Variants in CADM2 observed in about 807,000 individuals in gnomAD.
The protein encoded by CADM2 is cell adhesion molecule 2, also known as immunoglobulin superfamily member 4D.
In CADM2, 12 loss-of-function variants were observed where a neutral mutation model predicts 49.8. The observed-to-expected ratio is 0.24, with a 90% CI of 0.15 to 0.39. The LOEUF is 0.39. Ranked by LOEUF, CADM2 falls within the 10% of genes least tolerant of loss-of-function variation. CADM2 has a pLI of 1.00. For missense variants in CADM2, 378 were observed against 492.3 expected (o/e 0.77, Z 2.20); for synonymous variants, 214 against 175.4 (o/e 1.22, Z -1.74).
At chr3:86,062,811 T>C (rs1464607503) in intron 8 of CADM2, among the ~76,000 whole-genome samples, 1 of 151,784 alleles carries the variant, frequency 6.6e-6, no homozygotes. Flanking sequence ...TTGTTATTTT[T>C]TTTTTTTTCA....
chr3:85,089,666 AT>A (rs980481324), intron 1 of CADM2, among the ~76,000 whole-genome samples: 1 of 152,084 alleles, frequency 6.6e-6, no homozygotes, highest in African/African-American at 2.4e-5. Context: ...TAACTGGAAC[AT>A]TTTTTGTCTT....
intron 1 of CADM2, among the ~76,000 whole-genome samples, chr3:85,266,114 T>G (rs1460851707): frequency 1.3e-5 from 2 of 151,904 alleles, no homozygotes; most frequent in Non-Finnish European, 2.9e-5. Context: ...CATCACGCTA[T>G]GCTCTGTTAC....
chr3:85,883,787 C>T (rs1437939775), intron 4 of CADM2, among the ~76,000 whole-genome samples: 1 of 152,128 alleles, frequency 6.6e-6, no homozygotes, highest in Non-Finnish European at 1.5e-5. Context: ...TACGACATGA[C>T]ACAATAATGA....
At chr3:85,020,643 T>C (rs2034456770) in intron 1 of CADM2, among the ~76,000 whole-genome samples, 1 of 152,084 alleles carries the variant, frequency 6.6e-6, no homozygotes, top group Non-Finnish European at 1.5e-5. Context: ...GTTTAAAAAA[T>C]ACCATTTTTC....
chr3:85,168,874 A>AT (rs2040543177), intron 1 of CADM2, among the ~76,000 whole-genome samples: 1 of 152,190 alleles, frequency 6.6e-6, no homozygotes, highest in African/African-American at 2.4e-5. Flanking sequence ...TGAATCAGGC[A>AT]TTTAATATAT....
chr3:85,636,357 A>C (rs921707219), intron 1 of CADM2, among the ~76,000 whole-genome samples: 55 of 152,342 alleles, frequency 3.6e-4, no homozygotes, highest in African/African-American at 1.3e-3. Context: ...TACTTTTAAA[A>C]AATGAAAAAT....
chr3:85,973,142 AT>A (rs913778606), intron 8 of CADM2, among the ~76,000 whole-genome samples: 13 of 151,674 alleles, frequency 8.6e-5, no homozygotes, highest in African/African-American at 3.1e-4. Context: ...ACTGATTCAT[AT>A]TTTTAAGAAT....
chr3:85,437,909 G>A (rs2037007402), intron 1 of CADM2, among the ~76,000 whole-genome samples: 1 of 151,772 alleles, frequency 6.6e-6, no homozygotes, highest in South Asian at 2.1e-4. Context: ...ATTATAAAAA[G>A]AGAACATTAT....
chr3:85,338,925 T>G (rs550483409), intron 1 of CADM2, among the ~76,000 whole-genome samples: 20 of 151,662 alleles, frequency 1.3e-4, no homozygotes, highest in Non-Finnish European at 2.5e-4. Flanking sequence ...AGTGGATGTT[T>G]AAGTTTTAAA....
At chr3:85,057,599 A>T (rs1161374433) in intron 1 of CADM2, among the ~76,000 whole-genome samples, 2 of 152,122 alleles carry the variant, frequency 1.3e-5, no homozygotes, top group Non-Finnish European at 2.9e-5. Context: ...TTTGTCATTA[A>T]CATGTTTTAC....
At chr3:85,578,535 G>T (rs1356499311) in intron 1 of CADM2, among the ~76,000 whole-genome samples, 7 of 152,118 alleles carry the variant, frequency 4.6e-5, no homozygotes, top group Non-Finnish European at 1.0e-4. Context: ...CCTTCTGGAG[G>T]GTAAACTTTT....
intron 1 of CADM2, among the ~76,000 whole-genome samples, chr3:85,144,647 C>T (rs1297840191): frequency 1.9e-5 from 2 of 107,072 alleles, no homozygotes; most frequent in African/African-American, 9.1e-5. Flanking sequence ...AAAGAAAGAA[C>T]AAGATTTGTC....
At chr3:85,162,024 A>G (rs1361643269) in intron 1 of CADM2, among the ~76,000 whole-genome samples, 1 of 152,062 alleles carries the variant, frequency 6.6e-6, no homozygotes, top group Non-Finnish European at 1.5e-5. Flanking sequence ...GAAAAACAAA[A>G]AGAAAGAAAG....
chr3:85,727,627 C>A lies in CADM2; in HGVS notation c.88+1079C>A, dbSNP rs75180955. On this transcript the variant is annotated intron_variant, in intron 2 of 9. Transcript: ENST00000383699. ...GAATACATGTCTATAAATGTATAAG[C>A]ACAATATGTTTATATAATGAAAGGA... 1.6e-4 allele frequency among the ~76,000 whole-genome samples: 24 copies of A among 152,116 alleles called. No homozygotes were observed. In the East Asian group the frequency reaches 4.6e-3, roughly 29 times the overall value.
chr3:85,930,926 T>C (rs1444163707), intron 6 of CADM2, among the ~76,000 whole-genome samples: 1 of 149,600 alleles, frequency 6.7e-6, no homozygotes, highest in East Asian at 1.9e-4. Context: ...TTATATTACT[T>C]AATAATTAAA....
chr3:85,857,400 G>T (rs532918167), intron 3 of CADM2, among the ~76,000 whole-genome samples: 2 of 152,264 alleles, frequency 1.3e-5, no homozygotes, highest in Admixed American at 1.3e-4. Context: ...GGAATCTTGG[G>T]TTTAACAGGG....
chr3:85,962,032 G>C (rs1258015966), intron 8 of CADM2, among the ~76,000 whole-genome samples: 1 of 151,804 alleles, frequency 6.6e-6, no homozygotes, highest in Non-Finnish European at 1.5e-5. Context: ...CACCTCCCGG[G>C]TTCAAGCAAT....
At chr3:85,037,345 G>A (rs558857940) in intron 1 of CADM2, among the ~76,000 whole-genome samples, 11 of 152,252 alleles carry the variant, frequency 7.2e-5, no homozygotes, top group Non-Finnish European at 8.8e-5. Context: ...ATGTAGATTT[G>A]CCAGATCAAA....
intron 1 of CADM2, among the ~76,000 whole-genome samples, chr3:85,417,827 A>C (rs1362264197): frequency 1.3e-5 from 2 of 152,142 alleles, no homozygotes; most frequent in Admixed American, 1.3e-4. Context: ...CAGTGCTTTT[A>C]AATTTTAATT....
Sources: allele counts gnomAD v4.1 joint callset (sites outside exome capture counted in the v4.1 genomes callset), GRCh38; gene constraint gnomAD v4.1.1; transcripts MANE v1.5; gene names NCBI Gene and HGNC (gene_info 2026-07-23, HGNC 2026-07-21).